C22orf31: variants seen among roughly 807,000 people sequenced by gnomAD.
C22orf31 encodes the protein uncharacterized protein C22orf31.
Under a neutral mutation model 15.0 loss-of-function variants are expected in C22orf31, and 11 were observed. That is an observed-to-expected ratio of 0.73 (90% confidence interval 0.46 to 1.21). The LOEUF (loss-of-function observed/expected upper bound fraction) is 1.21. C22orf31 is among the 50% of genes most tolerant of loss of function. The probability of loss-of-function intolerance (pLI) is 0.00; values close to 1 mark genes in which losing one functional copy is unlikely to be tolerated. For synonymous variants in C22orf31, 132 were observed against 133.3 expected, an observed-to-expected ratio of 0.99 and a Z score of 0.07; for missense variants, 340 against 347.2, an observed-to-expected ratio of 0.98 and a Z score of 0.17.
the C22orf31 span, among the ~76,000 whole-genome samples, chr22:29,068,500 T>C: frequency 6.6e-6 from 1 of 150,876 alleles, no homozygotes; most frequent in African/African-American, 2.4e-5. Context: ...AACCTCTGCC[T>C]CTCGGGTTCA....
the C22orf31 span, chr22:29,073,047 C>T: frequency 4.2e-6 from 1 of 239,666 alleles, no homozygotes. This position sits in a 1 kb window ranked among gnomAD's most constrained non-coding sequence, Gnocchi z 4.4. Flanking sequence ...TCGGGCCCCG[C>T]GTCCTGCTCC....
chr22:29,068,567 T>C, the C22orf31 span, among the ~76,000 whole-genome samples: 28 of 149,770 alleles, frequency 1.9e-4, no homozygotes, highest in Admixed American at 2.7e-4. Flanking sequence ...CCTGCCACCA[T>C]GCCCGGCTAA....
upstream of C22orf31, among the ~76,000 whole-genome samples, chr22:29,063,893 G>C (rs1176138499): frequency 3.3e-5 from 5 of 152,046 alleles, no homozygotes; most frequent in Non-Finnish European, 7.4e-5. Flanking sequence ...TTGAGACGGA[G>C]TTTCACTCTT....
At chr22:29,059,640 A>T (rs1279820208) in intron 2 of C22orf31, 11 of 975,324 alleles carry the variant, frequency 1.1e-5, no homozygotes, top group Non-Finnish European at 1.3e-5. Flanking sequence ...CCGAGTTGGG[A>T]TTTGAACCCT....
chr22:29,059,951 A>AC (rs1477287560), intron 2 of C22orf31: 7 of 983,768 alleles, frequency 7.1e-6, no homozygotes, highest in Non-Finnish European at 8.4e-6. Context: ...CTGTCATGCT[A>AC]CACCTCCTCC....
Position 29,061,806 on chromosome 22 carries a change from T to A in C22orf31, c.-14A>T. On this transcript the variant is annotated 5_prime_UTR_variant, in exon 1 of 3. Transcript: ENST00000216071. ...TCACCTTACCATATTTCAGTTGCCT[T>A]AAATTTTATTTTCGCTAGCTTAGTA... 1.3e-6 allele frequency: 2 copies of A among 1,543,150 alleles called. No individual in the cohort carries two copies. The highest frequency in any genetic ancestry group is 1.8e-6 in the Non-Finnish European group (2 of 1,126,810).
upstream of C22orf31, among the ~76,000 whole-genome samples, chr22:29,062,696 A>G (rs1455168918): frequency 2.0e-5 from 3 of 151,908 alleles, no homozygotes; most frequent in African/African-American, 7.3e-5. Context: ...TGCGTTTTTA[A>G]GTGTTGTCCC....
At chr22:29,063,458 T>C (rs1169406453), upstream of C22orf31, among the ~76,000 whole-genome samples, 1 of 152,120 alleles carries the variant, frequency 6.6e-6, no homozygotes, top group Non-Finnish European at 1.5e-5. Context: ...GAGCCTGTGC[T>C]CAGCCTCAAT....
At chr22:29,059,923 C>G (rs9620854) in intron 2 of C22orf31, 37 of 984,728 alleles carry the variant, frequency 3.8e-5, no homozygotes, top group Non-Finnish European at 4.2e-5. Context: ...ACCCCAAAAT[C>G]TGGGGCATTC....
At chr22:29,073,218 C>T in the C22orf31 span, 3 of 1,175,612 alleles carry the variant, frequency 2.6e-6, no homozygotes, top group Admixed American at 4.6e-5. The surrounding 1 kb of genome is among the most constrained non-coding windows in gnomAD (Gnocchi z 4.4). Context: ...CGGCCTCGGC[C>T]CCGGACCCGG....
upstream of C22orf31, among the ~76,000 whole-genome samples, chr22:29,065,232 G>A (rs2037421521): frequency 6.6e-6 from 1 of 152,116 alleles, no homozygotes; most frequent in Non-Finnish European, 1.5e-5. Context: ...TCTAAGTGAT[G>A]TAATGCAACA....
chr22:29,072,720 GC>G, the C22orf31 span, among the ~76,000 whole-genome samples: 1 of 152,202 alleles, frequency 6.6e-6, no homozygotes, highest in African/African-American at 2.4e-5. Context: ...TGGGAGCCCG[GC>G]CTATTTCAGC....
the C22orf31 span, chr22:29,073,274 C>A: frequency 1.1e-6 from 1 of 893,486 alleles, no homozygotes; most frequent in Non-Finnish European, 1.4e-6. This position sits in a 1 kb window ranked among gnomAD's most constrained non-coding sequence, Gnocchi z 4.4. Context: ...GGAGCCCACT[C>A]GAGGGGCGAC....
chr22:29,059,597 G>T, intron 2 of C22orf31: 1 of 702,102 alleles, frequency 1.4e-6, no homozygotes, highest in Non-Finnish European at 1.8e-6. Context: ...AAGGCACAAA[G>T]AAATTAAGCC....
At chr22:29,060,084 T>C (rs2037371270) in intron 2 of C22orf31, 1 of 579,892 alleles carries the variant, frequency 1.7e-6, no homozygotes, top group African/African-American at 2.1e-5. Flanking sequence ...CAATCAGGAA[T>C]GCAGTAGTGC....
At chr22:29,072,829 G>A in the C22orf31 span, among the ~76,000 whole-genome samples, 2 of 152,104 alleles carry the variant, frequency 1.3e-5, no homozygotes, top group Admixed American at 6.5e-5. Flanking sequence ...GCCCTGCTGG[G>A]CCGGCCCAGG....
Position 29,058,862 on chromosome 22 carries a change from A to G in C22orf31, c.753T>C (p.Leu251=). ...KAIKQKLWEA[L]CSQGAISEGA... Reference sequence around the variant, plus strand: ...CTTCAGAGATGGCACCCTGACTGCAAAGAGCCTCCCAGAGCTTTTGTTTAA... The same window carrying G: ...CTTCAGAGATGGCACCCTGACTGCAGAGAGCCTCCCAGAGCTTTTGTTTAA... The change falls in exon 3 of 3, where the codon CTT becomes CTC. Residue 251 remains leucine, a synonymous_variant. Coordinates refer to ENST00000216071, the MANE Select transcript of C22orf31 (RefSeq NM_015370.2). 1 of 1,614,088 alleles carries G rather than the reference A, an allele frequency of 6.2e-7. No homozygotes were observed. The highest frequency in any genetic ancestry group is 8.5e-7 in the Non-Finnish European group (1 of 1,179,996).
upstream of C22orf31, among the ~76,000 whole-genome samples, chr22:29,066,627 C>A (rs2037433529): frequency 7.6e-6 from 1 of 132,220 alleles, no homozygotes; most frequent in Non-Finnish European, 1.6e-5. Flanking sequence ...GTGGCACGAT[C>A]TTGGCTCACT....
At chr22:29,060,320 G>A (rs565236199) in intron 2 of C22orf31, 95 bp downstream of exon 2, 75 of 1,158,158 alleles carry the variant, frequency 6.5e-5, no homozygotes, top group South Asian at 3.5e-4. Flanking sequence ...GGCGGTAGCC[G>A]CACGCCATAT....
Sources: allele counts gnomAD v4.1 joint callset (sites outside exome capture counted in the v4.1 genomes callset), GRCh38; gene constraint gnomAD v4.1.1; non-coding constraint Gnocchi (gnomAD v3.1); transcripts MANE v1.5; gene names NCBI Gene and HGNC (gene_info 2026-07-23, HGNC 2026-07-21).